Variants in SLC35B3 observed in about 807,000 individuals in gnomAD.
SLC35B3 encodes the protein adenosine 3'-phospho 5'-phosphosulfate transporter 2.
Under a neutral mutation model 44.1 loss-of-function variants are expected in SLC35B3, and 35 were observed. That is an observed-to-expected ratio of 0.79 (90% confidence interval 0.61 to 1.05). The LOEUF (loss-of-function observed/expected upper bound fraction) is 1.05, where lower values mean the gene tolerates loss of function less well. Ranked by LOEUF, SLC35B3 falls within the 50% of genes least tolerant of loss-of-function variation. The probability of loss-of-function intolerance (pLI) is 0.00; values close to 1 mark genes in which losing one functional copy is unlikely to be tolerated. For synonymous variants in SLC35B3, 146 were observed against 167.3 expected (o/e 0.87, Z 0.98); for missense variants, 414 against 476.4 (o/e 0.87, Z 1.22).
chr6:8,417,976 TCAG>T (rs896798703), intron 7 of SLC35B3, among the ~76,000 whole-genome samples: 67 of 151,942 alleles, frequency 4.4e-4, no homozygotes, highest in African/African-American at 1.5e-3. Flanking sequence ...ATAAACAGAA[TCAG>T]CAGCAGCAGC....
intron 4 of SLC35B3, among the ~76,000 whole-genome samples, chr6:8,424,828 T>A (rs1026490612): frequency 3.3e-5 from 5 of 152,190 alleles, no homozygotes; most frequent in Non-Finnish European, 7.3e-5. Context: ...AACCCATGTT[T>A]CTAACTCCAA....
chr6:8,430,507 G>A (rs1167867346), intron 2 of SLC35B3, among the ~76,000 whole-genome samples: 1 of 152,106 alleles, frequency 6.6e-6, no homozygotes, highest in African/African-American at 2.4e-5. Context: ...ACTTGTAGAG[G>A]AGTAAAAAAT....
intron 3 of SLC35B3, among the ~76,000 whole-genome samples, chr6:8,429,121 T>C (rs2113501089): frequency 6.6e-6 from 1 of 152,258 alleles, no homozygotes; most frequent in South Asian, 2.1e-4. Flanking sequence ...ACAAAGGTTT[T>C]CTCAAGTTAT....
Position 8,420,696 on chromosome 6 carries a change from C to A in SLC35B3, c.682+25G>T. 6.5e-7 allele frequency: 1 copy of A among 1,548,278 alleles called. No individual in the cohort carries two copies. Among genetic ancestry groups the A allele is most frequent in the Non-Finnish European group, 8.9e-7 (1 of 1,127,550 alleles). ...TTCTAAACTAAAAAGCCTATAAAAGCTAGGAATATAAATAAATTACTTACC... is the reference window on the plus strand; with the variant it reads ...TTCTAAACTAAAAAGCCTATAAAAGATAGGAATATAAATAAATTACTTACC... On this transcript the variant is annotated intron_variant, in intron 6 of 10. Coordinates refer to ENST00000644923, the MANE Select transcript of SLC35B3 (RefSeq NM_001370476.2). This position sits in a 1 kb window ranked among gnomAD's most constrained non-coding sequence, Gnocchi z 4.4.
rs1341517647 is a variant in SLC35B3, at chr6:8,419,295, A to G, written c.780+285T>C. Reference sequence around the variant, plus strand: ...AAATTACAAACTTCTACATGGAAAAATACTACCCACTAGAAAGAGATGAGA... The same window carrying G: ...AAATTACAAACTTCTACATGGAAAAGTACTACCCACTAGAAAGAGATGAGA... On this transcript the variant is annotated intron_variant, in intron 7 of 10. Transcript: ENST00000644923. The surrounding 1 kb of genome is among the most constrained non-coding windows in gnomAD (Gnocchi z 4.3). Among the ~76,000 whole-genome samples the G allele has an allele frequency of 6.6e-6, 1 of 152,066 alleles. No individual in the cohort carries two copies. The highest frequency in any genetic ancestry group is 6.6e-5 in the Admixed American group (1 of 15,254).
Position 8,419,460 on chromosome 6 carries a change from T to A in SLC35B3, c.780+120A>T. On this transcript the variant is annotated intron_variant, in intron 7 of 10. Coordinates refer to ENST00000644923, the MANE Select transcript of SLC35B3 (RefSeq NM_001370476.2). This position sits in a 1 kb window ranked among gnomAD's most constrained non-coding sequence, Gnocchi z 4.3. ...ACCTTCCTATAATGTTTGAATGTAT[T>A]ACTTTTGTAAAAATGAGTTTAAAAA... is the stretch of plus-strand genomic sequence containing the variant. The A allele has an allele frequency of 1.9e-6, 1 of 518,674 alleles. No individual in the cohort carries two copies. Among genetic ancestry groups the A allele is most frequent in the Non-Finnish European group, 3.4e-6 (1 of 294,046 alleles). The allele number at this position is 518,674 out of a possible 1,614,324, so 32.1% of individuals were successfully genotyped here. A position where few individuals can be genotyped will look rare whatever the true frequency, so the allele number is the denominator to read the frequency against.
chr6:8,429,543 C>T (rs566680068), intron 3 of SLC35B3, among the ~76,000 whole-genome samples: 108 of 152,242 alleles, frequency 7.1e-4, no homozygotes, highest in African/African-American at 2.6e-3. Flanking sequence ...CACTATCATT[C>T]AATAATATTC....
chr6:8,411,538 C>A lies in SLC35B3; in HGVS notation c.*2011G>T, dbSNP rs1581600643. Among the ~76,000 whole-genome samples, 1 of 152,242 alleles carries A rather than the reference C, an allele frequency of 6.6e-6. No individual in the cohort carries two copies. Among genetic ancestry groups the A allele is most frequent in the African/African-American group, 2.4e-5 (1 of 41,546 alleles). On this transcript the variant is annotated 3_prime_UTR_variant, in exon 11 of 11. Transcript: ENST00000644923. ...TTTTCTTCTTAAAAGTTTAAGGCAGCATAATGAAGTATGCATTAAGATCCC... is the reference window on the plus strand; with the variant it reads ...TTTTCTTCTTAAAAGTTTAAGGCAGAATAATGAAGTATGCATTAAGATCCC...
In SLC35B3 at chr6:8,435,178, C is replaced by A. The variant is rs1764365019; in HGVS notation, c.-44+165G>T. On this transcript the variant is annotated intron_variant, in intron 1 of 10. Transcript: ENST00000644923. The surrounding 1 kb of genome is among the most constrained non-coding windows in gnomAD (Gnocchi z 5.5). ...TGCTCCTCCCTGGAAACCGCCCGGC[C>A]GGTTTCCGCTCTTTCAAAAAAGGGA... 7.8e-7 allele frequency: 1 copy of A among 1,287,604 alleles called. No individual in the cohort carries two copies. Among genetic ancestry groups the A allele is most frequent in the Admixed American group, 2.3e-5 (1 of 43,510 alleles). The allele number at this position is 1,287,604 out of a possible 1,614,324, so 79.8% of individuals were successfully genotyped here. A position where few individuals can be genotyped will look rare whatever the true frequency, so the allele number is the denominator to read the frequency against.
At chr6:8,428,494 T>C (rs1418211423) in intron 3 of SLC35B3, among the ~76,000 whole-genome samples, 2 of 152,156 alleles carry the variant, frequency 1.3e-5, no homozygotes, top group Admixed American at 6.5e-5. Flanking sequence ...CCCCAACCAT[T>C]TTCTCTGAAC....
chr6:8,414,078 G>A (rs970242247), intron 10 of SLC35B3, among the ~76,000 whole-genome samples: 2 of 152,058 alleles, frequency 1.3e-5, no homozygotes, highest in African/African-American at 4.8e-5. Flanking sequence ...TGTCCAACTC[G>A]TTGTCTCAGT....
intron 7 of SLC35B3, among the ~76,000 whole-genome samples, chr6:8,417,830 A>G (rs1762555395): frequency 6.6e-6 from 1 of 152,170 alleles, no homozygotes; most frequent in Admixed American, 6.6e-5. Context: ...AGCTTTAAAG[A>G]TACTTATAAA....
rs1408881650 is a variant in SLC35B3, at chr6:8,433,118, TCTATAA to T, written c.3+1261_3+1266del. Among the ~76,000 whole-genome samples the T allele has an allele frequency of 2.0e-5, 3 of 152,178 alleles. No individual in the cohort carries two copies. The highest frequency in any genetic ancestry group is 6.5e-5 in the Admixed American group (1 of 15,282). ...TGCCAAGATTCCTGTTAACTCTACCTCTATAACTATATCTAATATCTGTTTCGGACC... is the reference window on the plus strand; with the variant it reads ...TGCCAAGATTCCTGTTAACTCTACCTCTATATCTAATATCTGTTTCGGACC... On this transcript the variant is annotated intron_variant, in intron 2 of 10. Transcript: ENST00000644923. This position sits in a 1 kb window ranked among gnomAD's most constrained non-coding sequence, Gnocchi z 4.1.
intron 10 of SLC35B3, among the ~76,000 whole-genome samples, 187 bp from the exon 10 acceptor site, chr6:8,413,886 T>C (rs934853332): frequency 2.0e-5 from 3 of 152,192 alleles, no homozygotes; most frequent in Non-Finnish European, 4.4e-5. Flanking sequence ...CTGTATCTTT[T>C]AATAATGCAT....
intron 9 of SLC35B3, 63 bp from the exon 9 acceptor site, chr6:8,415,040 T>G: frequency 8.9e-7 from 1 of 1,126,464 alleles, no homozygotes; most frequent in African/African-American, 1.5e-5. Flanking sequence ...TAGAAATCAC[T>G]TATTCAGCAA....
rs1764420336 is a variant in SLC35B3 at position 8,435,508 on chromosome 6, T to C, written c.-209A>G. Reference sequence around the variant, plus strand: ...CGGCGGTCGCCTCCCCGGAAAGCACTCTCAACTCCGGCGCCCGCAGGCCAC... The same window carrying C: ...CGGCGGTCGCCTCCCCGGAAAGCACCCTCAACTCCGGCGCCCGCAGGCCAC... On this transcript the variant is annotated 5_prime_UTR_variant, in exon 1 of 11. Transcript: ENST00000644923. This position sits in a 1 kb window ranked among gnomAD's most constrained non-coding sequence, Gnocchi z 5.5. 4.2e-6 allele frequency: 3 copies of C among 711,342 alleles called. No homozygotes were observed. The highest frequency in any genetic ancestry group is 6.1e-6 in the Non-Finnish European group (3 of 491,532). 44.1% of individuals were successfully genotyped at this position (711,342 alleles called of 1,614,324 possible). A position where few individuals can be genotyped will look rare whatever the true frequency, so the allele number is the denominator to read the frequency against.
In SLC35B3 at chr6:8,435,436, C is replaced by G. The variant is rs1202357051; in HGVS notation, c.-137G>C. Reference sequence around the variant, plus strand: ...TCCCCCTCCCCTGGTCCGTCGCCATCACCTCCTCTTCCTCCTCCTCCTCGC... The same window carrying G: ...TCCCCCTCCCCTGGTCCGTCGCCATGACCTCCTCTTCCTCCTCCTCCTCGC... On this transcript the variant is annotated 5_prime_UTR_variant, in exon 1 of 11. Transcript: ENST00000644923. The surrounding 1 kb of genome is among the most constrained non-coding windows in gnomAD (Gnocchi z 5.5). 7.9e-7 allele frequency: 1 copy of G among 1,259,122 alleles called. No homozygotes were observed. The highest frequency in any genetic ancestry group is 1.0e-6 in the Non-Finnish European group (1 of 963,120). 78.0% of individuals were successfully genotyped at this position (1,259,122 alleles called of 1,614,324 possible).
Position 8,435,098 on chromosome 6 carries a change from G to T in SLC35B3, c.-44+245C>A, listed in dbSNP as rs1764356926. The T allele has an allele frequency of 8.0e-7, 1 of 1,243,178 alleles. No homozygotes were observed. The highest frequency in any genetic ancestry group is 1.4e-5 in the South Asian group (1 of 72,262). 77.0% of individuals were successfully genotyped at this position (1,243,178 alleles called of 1,614,324 possible). A position where few individuals can be genotyped will look rare whatever the true frequency, so the allele number is the denominator to read the frequency against. ...TCACCCCTGCGAGTCCACGGATTGG[G>T]ACCTGAGGGAGTTCTCGCCAGCCCG... On this transcript the variant is annotated intron_variant, in intron 1 of 10. Coordinates refer to ENST00000644923, the MANE Select transcript of SLC35B3 (RefSeq NM_001370476.2). The surrounding 1 kb of genome is among the most constrained non-coding windows in gnomAD (Gnocchi z 5.5).
Position 8,435,521 on chromosome 6 carries a change from GC to G in SLC35B3, c.-223del. ...CCCGGAAAGCACTCTCAACTCCGGC[GC>G]CCGCAGGCCACTTCCGCCTATGTGT... On this transcript the variant is annotated 5_prime_UTR_variant, in exon 1 of 11. Transcript: ENST00000644923. This position sits in a 1 kb window ranked among gnomAD's most constrained non-coding sequence, Gnocchi z 5.5. 1.9e-6 allele frequency: 1 copy of G among 536,294 alleles called. No individual in the cohort carries two copies. Among genetic ancestry groups the G allele is most frequent in the South Asian group, 1.8e-5 (1 of 54,758 alleles). 33.2% of individuals were successfully genotyped at this position (536,294 alleles called of 1,614,324 possible). A position where few individuals can be genotyped will look rare whatever the true frequency, so the allele number is the denominator to read the frequency against.
Sources: gnomAD v4.1 joint callset for allele counts (sites outside exome capture counted in the v4.1 genomes callset) on GRCh38, gnomAD v4.1.1 for gene constraint, Gnocchi (gnomAD v3.1) non-coding constraint, MANE v1.5 for transcripts, NCBI Gene and HGNC (gene_info 2026-07-23, HGNC 2026-07-21) for gene names.